GRK5: variants seen among roughly 807,000 people sequenced by gnomAD.
GRK5 encodes G protein-coupled receptor kinase 5.
GRK5 carries 40 observed loss-of-function variants against 78.4 expected under a neutral mutation model. That is an observed-to-expected ratio of 0.51 (90% CI 0.40 to 0.66). The LOEUF is 0.66. Ranked by LOEUF, GRK5 falls within the 30% of genes least tolerant of loss-of-function variation. The probability of loss-of-function intolerance (pLI) is 0.00; values close to 1 mark genes in which losing one functional copy is unlikely to be tolerated. For missense variants in GRK5, 598 were observed against 759.9 expected, an observed-to-expected ratio of 0.79 and a Z score of 2.50; for synonymous variants, 289 against 296.8, an observed-to-expected ratio of 0.97 and a Z score of 0.27.
At chr10:119,394,116 G>T (rs1851937611) in intron 3 of GRK5, among the ~76,000 whole-genome samples, 1 of 12,190 alleles carries the variant, frequency 8.2e-5, no homozygotes, top group Non-Finnish European at 2.1e-4. Flanking sequence ...TGTGTGGGGG[G>T]TGTGTGTGTG....
In GRK5 at chr10:119,207,585, C is replaced by T. The variant is rs1246653852; in HGVS notation, c.-333C>T. 37 of 286,328 alleles carry T rather than the reference C, an allele frequency of 1.3e-4. No homozygotes were observed. The highest frequency in any genetic ancestry group is 1.1e-3 in the South Asian group (37 of 32,576). 17.7% of individuals were successfully genotyped at this position (286,328 alleles called of 1,614,324 possible). On this transcript the variant is annotated 5_prime_UTR_variant, in exon 1 of 16. Coordinates refer to ENST00000392870, the MANE Select transcript of GRK5 (RefSeq NM_005308.3). ...TGAGGGGAGGCAGAAGCATCCGAGG[C>T]ATTAAAGCATCCGAGGGAGCCGGAG...
At chr10:119,398,215 G>A (rs1317868585) in intron 4 of GRK5, among the ~76,000 whole-genome samples, 1 of 152,126 alleles carries the variant, frequency 6.6e-6, no homozygotes, top group East Asian at 1.9e-4. Context: ...TGTCATATTG[G>A]TGGGGCTCTG....
chr10:119,279,789 G>A (rs1359517467), intron 1 of GRK5, among the ~76,000 whole-genome samples: 1 of 152,252 alleles, frequency 6.6e-6, no homozygotes, highest in Non-Finnish European at 1.5e-5. Context: ...CTCCCTCGAG[G>A]AGCCTACTCC....
At chr10:119,393,168 A>C (rs1395874339) in intron 3 of GRK5, among the ~76,000 whole-genome samples, 5 of 152,346 alleles carry the variant, frequency 3.3e-5, no homozygotes, top group Admixed American at 3.3e-4. Context: ...CGAAAAGCCC[A>C]GCTGGAGGCC....
Position 119,396,552 on chromosome 10 carries a change from T to TC in GRK5, c.262-136dup, listed in dbSNP as rs563112733. The TC allele has an allele frequency of 1.4e-3, 946 of 669,004 alleles. 10 individuals are homozygous for TC. The African/African-American group carries it at 0.015, about 11-fold the overall frequency. The allele number at this position is 669,004 out of a possible 1,614,324, so 41.4% of individuals were successfully genotyped here. A position where few individuals can be genotyped will look rare whatever the true frequency, so the allele number is the denominator to read the frequency against. On this transcript the variant is annotated intron_variant, in intron 3 of 15. Transcript: ENST00000392870. The stretch of plus-strand genomic sequence containing the variant: ...ACATCGGGGCTCCGTGGCCAGGTCT[T>TC]CCCCCCCGGTTTCCTGACCTGCAGG...
At chr10:119,208,911 C>CTT (rs149905601) in intron 1 of GRK5, among the ~76,000 whole-genome samples, 29 of 148,810 alleles carry the variant, frequency 1.9e-4, no homozygotes, top group Admixed American at 5.4e-4. Flanking sequence ...GCATATTTTC[C>CTT]TTTTTTTTTT....
Position 119,412,389 on chromosome 10 carries a change from G to A in GRK5, c.340-10777G>A, listed in dbSNP as rs955565854. The stretch of plus-strand genomic sequence containing the variant: ...AGGACACCCCGGTGAAGAGCTGGGC[G>A]TGCTTGGGCCGAGGGCTGCTGGATG... On this transcript the variant is annotated intron_variant, in intron 4 of 15. Transcript: ENST00000392870. The surrounding 1 kb of genome is among the most constrained non-coding windows in gnomAD (Gnocchi z 4.3). 2.0e-5 allele frequency among the ~76,000 whole-genome samples: 3 copies of A among 152,336 alleles called. No homozygotes were observed. The highest frequency in any genetic ancestry group is 1.9e-4 in the East Asian group (1 of 5,180).
intron 4 of GRK5, among the ~76,000 whole-genome samples, chr10:119,411,876 A>G (rs1852346500): frequency 1.7e-5 from 1 of 60,390 alleles, no homozygotes; most frequent in African/African-American, 4.3e-5. Flanking sequence ...TTTGAGATAG[A>G]GTCTTGCTCT....
chr10:119,246,648 C>T (rs548787190), intron 1 of GRK5, among the ~76,000 whole-genome samples: 190 of 152,308 alleles, frequency 1.2e-3, no homozygotes, highest in African/African-American at 4.5e-3. Context: ...GAAGTGGTGT[C>T]TGGAGGCCAC....
At chr10:119,246,028 A>AG (rs1849104962) in intron 1 of GRK5, among the ~76,000 whole-genome samples, 1 of 149,830 alleles carries the variant, frequency 6.7e-6, no homozygotes, top group African/African-American at 2.5e-5. Context: ...TCAAAAAAAA[A>AG]AAAAAAAAAA....
intron 1 of GRK5, among the ~76,000 whole-genome samples, chr10:119,269,765 G>A (rs1367090670): frequency 3.3e-5 from 5 of 150,884 alleles, no homozygotes; most frequent in African/African-American, 9.8e-5. Flanking sequence ...CCCAGAAGGC[G>A]GAGGTTGCAG....
intron 1 of GRK5, among the ~76,000 whole-genome samples, chr10:119,234,673 T>C (rs1848889741): frequency 6.6e-6 from 1 of 151,784 alleles, no homozygotes; most frequent in African/African-American, 2.4e-5. Flanking sequence ...CCTTTTTTCT[T>C]TTCTTTTCTT....
At chr10:119,424,586 C>T (rs1325085528) in intron 5 of GRK5, among the ~76,000 whole-genome samples, 1 of 147,130 alleles carries the variant, frequency 6.8e-6, no homozygotes, top group Non-Finnish European at 1.5e-5. Context: ...TTCCCAGCCC[C>T]TCATTAAGTC....
chr10:119,327,674 C>CG (rs1399447333), intron 2 of GRK5, among the ~76,000 whole-genome samples: 2 of 152,104 alleles, frequency 1.3e-5, no homozygotes, highest in Non-Finnish European at 2.9e-5. Flanking sequence ...TTTCCAGGGC[C>CG]GGGGGGACTT....
At chr10:119,244,117 T>C (rs888460179) in intron 1 of GRK5, among the ~76,000 whole-genome samples, 3 of 152,258 alleles carry the variant, frequency 2.0e-5, no homozygotes, top group Non-Finnish European at 4.4e-5. Context: ...AGCTCTGCCA[T>C]TGTAGTTTGA....
chr10:119,223,002 A>G lies in GRK5; in HGVS notation c.52+15033A>G, dbSNP rs115352177. Among the ~76,000 whole-genome samples the G allele has an allele frequency of 6.3e-3, 959 of 152,236 alleles. 6 individuals carry two copies. Among genetic ancestry groups the G allele is most frequent in the African/African-American group, 0.022 (894 of 41,540 alleles). ...TCCCCAGGCTGTGTGTTTCCTAGGGATACGTAATAAAGTGCCACCAACTGG... is the reference window on the plus strand; with the variant it reads ...TCCCCAGGCTGTGTGTTTCCTAGGGGTACGTAATAAAGTGCCACCAACTGG... On this transcript the variant is annotated intron_variant, in intron 1 of 15. Transcript: ENST00000392870.
intron 1 of GRK5, among the ~76,000 whole-genome samples, chr10:119,255,218 A>C (rs191036001): frequency 4.9e-4 from 74 of 152,034 alleles, no homozygotes; most frequent in Non-Finnish European, 1.9e-4. Flanking sequence ...GGATCCAGGG[A>C]GGGGTGTGGC....
chr10:119,289,328 C>G (rs1049740158), intron 1 of GRK5, among the ~76,000 whole-genome samples: 1 of 152,162 alleles, frequency 6.6e-6, no homozygotes, highest in African/African-American at 2.4e-5. Flanking sequence ...CCTTTCCTTC[C>G]CCTTTTGAAG....
In GRK5 at chr10:119,276,946, A is replaced by G. The variant is rs181423671; in HGVS notation, c.53-49570A>G. 2.5e-4 allele frequency among the ~76,000 whole-genome samples: 38 copies of G among 152,308 alleles called. No individual in the cohort carries two copies. The East Asian group carries it at 7.1e-3, about 29-fold the overall frequency. On this transcript the variant is annotated intron_variant, in intron 1 of 15. Coordinates refer to ENST00000392870, the MANE Select transcript of GRK5 (RefSeq NM_005308.3). ...TACCATGATCAATTATTATTACGTT[A>G]CACATCACTTCTGTACCAATTTATA... is the stretch of plus-strand genomic sequence containing the variant.
Sources: gnomAD v4.1 joint callset for allele counts (sites outside exome capture counted in the v4.1 genomes callset) on GRCh38, gnomAD v4.1.1 for gene constraint, Gnocchi (gnomAD v3.1) non-coding constraint, MANE v1.5 for transcripts, NCBI Gene and HGNC (gene_info 2026-07-23, HGNC 2026-07-21) for gene names.